Variants in ULK4 observed in about 807,000 individuals in gnomAD.
ULK4 encodes the protein inactive serine/threonine-protein kinase ULK4.
In ULK4, 133 loss-of-function variants were observed where a neutral mutation model predicts 160.6. The ratio of observed to expected loss-of-function variants is 0.83; its 90% CI spans 0.72 to 0.96. ULK4 has a LOEUF of 0.96. ULK4 is among the 40% of genes least tolerant of loss of function. ULK4 has a pLI of 0.00. For synonymous variants in ULK4, 534 were observed against 539.8 expected (o/e 0.99, Z 0.15); for missense variants, 1,580 against 1,499.5 (o/e 1.05, Z -0.89).
chr3:41,441,868 T>C (rs2083178259), intron 34 of ULK4, among the ~76,000 whole-genome samples: 1 of 152,218 alleles, frequency 6.6e-6, no homozygotes, highest in Non-Finnish European at 1.5e-5. Context: ...TGTGGTTTGT[T>C]TAGCACTGTT....
At chr3:41,345,537 C>T (rs1270433978) in intron 35 of ULK4, among the ~76,000 whole-genome samples, 1 of 152,140 alleles carries the variant, frequency 6.6e-6, no homozygotes, top group Non-Finnish European at 1.5e-5. Flanking sequence ...GAAAACTAAA[C>T]ACTGCATGTT....
intron 2 of ULK4, among the ~76,000 whole-genome samples, chr3:41,942,876 T>C (rs1184125110): frequency 6.6e-6 from 1 of 151,954 alleles, no homozygotes. Context: ...ACCAATTATA[T>C]GTTGAAGTGA....
intron 32 of ULK4, among the ~76,000 whole-genome samples, chr3:41,551,454 T>C (rs1209606957): frequency 2.0e-5 from 3 of 151,450 alleles, no homozygotes; most frequent in Non-Finnish European, 4.4e-5. Context: ...ACTGCTGCTA[T>C]AGAAATACAA....
chr3:41,863,891 C>T lies in ULK4; in HGVS notation c.1656+19983G>A, dbSNP rs571518586. On this transcript the variant is annotated intron_variant, in intron 17 of 36. Transcript: ENST00000301831. ...AGGAAGGGGTCTTTTTTTGGAGCCG[C>T]GAGCTATGCAGCCTGGGGTTGGGGG... 1.3e-4 allele frequency among the ~76,000 whole-genome samples: 19 copies of T among 151,762 alleles called. No homozygotes were observed. The East Asian group carries it at 3.1e-3, about 25-fold the overall frequency.
At chr3:41,821,592 G>T (rs930049323) in intron 18 of ULK4, among the ~76,000 whole-genome samples, 2 of 152,110 alleles carry the variant, frequency 1.3e-5, no homozygotes, top group Admixed American at 1.3e-4. Context: ...CTTCTTCAGG[G>T]TCATTAGCTA....
rs111335327 is a variant in ULK4, at chr3:41,444,770, G to T, written c.3492+10727C>A. ...CGAGGTGGACGGATCACAAAGTCAG[G>T]AGTTTGAGATCAACCTGGCCAGTAT... On this transcript the variant is annotated intron_variant, in intron 34 of 36. Coordinates refer to ENST00000301831, the MANE Select transcript of ULK4 (RefSeq NM_017886.4). 4.7e-4 allele frequency among the ~76,000 whole-genome samples: 71 copies of T among 152,178 alleles called. 1 individual carries two copies. Among genetic ancestry groups the T allele is most frequent in the African/African-American group, 1.6e-3 (68 of 41,516 alleles).
At chr3:41,466,047 T>C (rs879923821) in intron 32 of ULK4, among the ~76,000 whole-genome samples, 2 of 152,176 alleles carry the variant, frequency 1.3e-5, no homozygotes, top group African/African-American at 2.4e-5. Context: ...ATATATATTA[T>C]GGGTTTCAAT....
At chr3:41,703,873 C>CAA (rs1553636726) in intron 27 of ULK4, among the ~76,000 whole-genome samples, 5,702 of 130,566 alleles carry the variant, frequency 0.044, 428 homozygotes, top group African/African-American at 0.17. Flanking sequence ...CACACACACA[C>CAA]ACAAGTTAAC....
At chr3:41,580,511 C>T (rs986162261) in intron 31 of ULK4, among the ~76,000 whole-genome samples, 2 of 151,944 alleles carry the variant, frequency 1.3e-5, no homozygotes, top group African/African-American at 2.4e-5. Context: ...TAGGGACACC[C>T]CCAGAGAGAA....
At chr3:41,299,526 A>C (rs919611825) in intron 35 of ULK4, among the ~76,000 whole-genome samples, 1 of 152,230 alleles carries the variant, frequency 6.6e-6, no homozygotes, top group Non-Finnish European at 1.5e-5. Flanking sequence ...AGCCTATTAA[A>C]TGGCTGGCCT....
At chr3:41,623,909 TATC>T in intron 30 of ULK4, among the ~76,000 whole-genome samples, 1 of 152,302 alleles carries the variant, frequency 6.6e-6, no homozygotes, top group South Asian at 2.1e-4. Context: ...AGTATACACA[TATC>T]ATAACATTAC....
chr3:41,470,864 T>C (rs1380559046), intron 32 of ULK4, among the ~76,000 whole-genome samples: 1 of 151,874 alleles, frequency 6.6e-6, no homozygotes, highest in Non-Finnish European at 1.5e-5. Flanking sequence ...ACAGGAAAGA[T>C]TCAAAGCATA....
intron 34 of ULK4, among the ~76,000 whole-genome samples, chr3:41,447,989 A>G (rs377092357): frequency 6.4e-4 from 97 of 152,300 alleles, no homozygotes; most frequent in African/African-American, 2.3e-3. Context: ...GCTGCGGACA[A>G]ATTCTCTGAA....
At chr3:41,733,026 C>T (rs1186761068) in intron 22 of ULK4, among the ~76,000 whole-genome samples, 1 of 152,002 alleles carries the variant, frequency 6.6e-6, no homozygotes, top group Non-Finnish European at 1.5e-5. Context: ...AATAAGTTAT[C>T]GTGTTCTATT....
At chr3:41,284,256 T>A (rs1406530233) in intron 35 of ULK4, among the ~76,000 whole-genome samples, 4 of 152,076 alleles carry the variant, frequency 2.6e-5, no homozygotes, top group Non-Finnish European at 5.9e-5. Flanking sequence ...CTAAAATTCA[T>A]ATGGAAACAA....
At chr3:41,511,162 CAA>C (rs57133226) in intron 32 of ULK4, among the ~76,000 whole-genome samples, 31 of 97,572 alleles carry the variant, frequency 3.2e-4, no homozygotes, top group African/African-American at 7.4e-4. Flanking sequence ...GACTCCGTCT[CAA>C]AAAAAAAAAA....
chr3:41,810,846 A>G (rs1426682648), intron 19 of ULK4, among the ~76,000 whole-genome samples: 3 of 152,128 alleles, frequency 2.0e-5, no homozygotes, highest in Admixed American at 2.0e-4. Flanking sequence ...TTCAAAAGTT[A>G]GTAATGTACC....
At chr3:41,821,544 TC>T (rs953297618) in intron 18 of ULK4, among the ~76,000 whole-genome samples, 3 of 152,146 alleles carry the variant, frequency 2.0e-5, no homozygotes, top group African/African-American at 7.2e-5. Context: ...TCCATTCCTG[TC>T]CCTCCACTTG....
chr3:41,547,364 GA>G (rs1298271967), intron 32 of ULK4, among the ~76,000 whole-genome samples: 1 of 152,170 alleles, frequency 6.6e-6, no homozygotes, highest in Non-Finnish European at 1.5e-5. Context: ...ATTCAGCAGG[GA>G]AGGGACAGGG....
Sources: allele counts gnomAD v4.1 joint callset (sites outside exome capture counted in the v4.1 genomes callset), GRCh38; gene constraint gnomAD v4.1.1; transcripts MANE v1.5; gene names NCBI Gene and HGNC (gene_info 2026-07-23, HGNC 2026-07-21).